The following SLC38A1 variants were observed in gnomAD, a reference collection of about 807,000 sequenced individuals.
The protein encoded by SLC38A1 is sodium-coupled neutral amino acid symporter 1.
In SLC38A1, 18 loss-of-function variants were observed where a neutral mutation model predicts 60.3. That is an observed-to-expected ratio of 0.30 (90% CI 0.21 to 0.44). The LOEUF (loss-of-function observed/expected upper bound fraction) is 0.44, where lower values mean the gene tolerates loss of function less well. SLC38A1 is among the 20% of genes least tolerant of loss of function. The pLI, the probability that SLC38A1 is intolerant of heterozygous loss-of-function variation, is 1.00. For missense variants in SLC38A1, 448 were observed against 587.2 expected, an observed-to-expected ratio of 0.76 and a Z score of 2.45; for synonymous variants, 196 against 212.1, an observed-to-expected ratio of 0.92 and a Z score of 0.66.
chr12:46,188,438 A>G lies in SLC38A1; in HGVS notation c.*532T>C, dbSNP rs1052783900. On this transcript the variant is annotated 3_prime_UTR_variant, in exon 17 of 17. Transcript: ENST00000398637. Reference sequence around the variant, plus strand: ...TCTGATTCAGCAGTGGCAGTGCCCTATAACTTTCAGATGATTATCTCCATG... The same window carrying G: ...TCTGATTCAGCAGTGGCAGTGCCCTGTAACTTTCAGATGATTATCTCCATG... 1.3e-5 allele frequency: 2 copies of G among 152,948 alleles called. No individual in the cohort carries two copies. Among genetic ancestry groups the G allele is most frequent in the Non-Finnish European group, 2.9e-5 (2 of 68,284 alleles). The allele number at this position is 152,948 out of a possible 1,614,324, so 9.5% of individuals were successfully genotyped here.
chr12:46,256,833 T>C (rs112304291), intron 1 of SLC38A1, among the ~76,000 whole-genome samples: 3 of 152,296 alleles, frequency 2.0e-5, no homozygotes, highest in African/African-American at 4.8e-5. Flanking sequence ...TGACAAAACA[T>C]AGACATTACC....
intron 1 of SLC38A1, among the ~76,000 whole-genome samples, chr12:46,263,027 C>G (rs1592162537): frequency 6.6e-6 from 1 of 152,262 alleles, no homozygotes; most frequent in Non-Finnish European, 1.5e-5. Flanking sequence ...GTAGACAAAT[C>G]TCTTGAATAG....
chr12:46,239,631 C>A lies in SLC38A1; in HGVS notation c.122+48G>T, dbSNP rs371653423. The A allele has an allele frequency of 6.9e-5, 111 of 1,606,386 alleles. No individual in the cohort carries two copies. The African/African-American group carries it at 1.4e-3, about 20-fold the overall frequency. On this transcript the variant is annotated intron_variant, in intron 3 of 16. Transcript: ENST00000398637. The stretch of plus-strand genomic sequence containing the variant: ...GTGATGGGATTACAGGTGTGAGCCA[C>A]GAGCCATTTCTTTCACTGGATAGAA...
chr12:46,268,674 G>A lies in SLC38A1; in HGVS notation c.-357C>T, dbSNP rs558699011. The stretch of plus-strand genomic sequence containing the variant: ...GGCCCCCGTCAGTAAGGGTTGGGCA[G>A]GGAGCTTGGCGTGGCCTGGCGGATT... On this transcript the variant is annotated 5_prime_UTR_variant, in exon 1 of 17. Transcript: ENST00000398637. This position sits in a 1 kb window ranked among gnomAD's most constrained non-coding sequence, Gnocchi z 4.4. 9.8e-5 allele frequency: 28 copies of A among 284,414 alleles called. No individual in the cohort carries two copies. Among genetic ancestry groups the A allele is most frequent in the African/African-American group, 6.0e-4 (27 of 45,104 alleles). 17.6% of individuals were successfully genotyped at this position (284,414 alleles called of 1,614,324 possible).
At chr12:46,221,365 T>A (rs1940651612) in intron 5 of SLC38A1, among the ~76,000 whole-genome samples, 1 of 152,170 alleles carries the variant, frequency 6.6e-6, no homozygotes, top group Non-Finnish European at 1.5e-5. Context: ...CCTCATCTAG[T>A]ATTTCTTAGC....
Position 46,183,294 on chromosome 12 carries a change from G to C in SLC38A1, c.*5676C>G, listed in dbSNP as rs1938829214. The stretch of plus-strand genomic sequence containing the variant: ...AAACAGTAGTGTGGTACATGTATTG[G>C]ACTCAGATGAAGTCTAAAGTACACT... On this transcript the variant is annotated 3_prime_UTR_variant, in exon 17 of 17. Transcript: ENST00000398637. 1 of 152,090 alleles carries C rather than the reference G, an allele frequency of 6.6e-6. No homozygotes were observed. Among genetic ancestry groups the C allele is most frequent in the South Asian group, 2.1e-4 (1 of 4,824 alleles). The allele number at this position is 152,090 out of a possible 1,614,324, so 9.4% of individuals were successfully genotyped here.
intron 16 of SLC38A1, chr12:46,195,966 C>A (rs916450051): frequency 4.0e-5 from 22 of 546,374 alleles, no homozygotes; most frequent in African/African-American, 3.9e-4. Context: ...CACCCACTGT[C>A]CAACCAGTCC....
At chr12:46,257,728 G>A (rs1223686006) in intron 1 of SLC38A1, among the ~76,000 whole-genome samples, 2 of 152,278 alleles carry the variant, frequency 1.3e-5, no homozygotes, top group Non-Finnish European at 1.5e-5. Context: ...TGGATCAGGG[G>A]TTTCCTCACA....
chr12:46,217,369 A>C (rs904682542), intron 5 of SLC38A1, among the ~76,000 whole-genome samples: 1 of 152,230 alleles, frequency 6.6e-6, no homozygotes, highest in Non-Finnish European at 1.5e-5. Flanking sequence ...AAAATCTTAG[A>C]ATGAAATACA....
Position 46,198,693 on chromosome 12 carries a change from G to T in SLC38A1, c.1054C>A (p.Leu352Ile). 1 of 1,613,622 alleles carries T rather than the reference G, an allele frequency of 6.2e-7. No homozygotes were observed. The change falls in exon 14 of 17, where the codon CTC becomes ATC. Residue 352 changes from leucine to isoleucine, a missense_variant. Coordinates refer to ENST00000398637, the MANE Select transcript of SLC38A1 (RefSeq NM_030674.4). ...ACAGCCAGCCGCACTGTCAGGATGA[G>T]AATGTCATCTTTACTCTGATATTTG... Reference protein sequence around the residue: ...LHKYQSKDDILILTVRLAVIV... With the variant: ...LHKYQSKDDIIILTVRLAVIV...
chr12:46,261,021 T>C (rs1942179847), intron 1 of SLC38A1, among the ~76,000 whole-genome samples: 1 of 152,212 alleles, frequency 6.6e-6, no homozygotes, highest in Non-Finnish European at 1.5e-5. Context: ...GCTCCCACTA[T>C]ATTCCTTCTA....
At chr12:46,207,264 A>G (rs1036795845) in intron 7 of SLC38A1, 28 bp from the exon 8 acceptor site, 4 of 1,572,516 alleles carry the variant, frequency 2.5e-6, no homozygotes, top group Non-Finnish European at 3.5e-6. Context: ...CATTTTTAGA[A>G]AGAAGATACG....
At chr12:46,240,850 T>A (rs1393735531) in intron 2 of SLC38A1, among the ~76,000 whole-genome samples, 2 of 152,174 alleles carry the variant, frequency 1.3e-5, no homozygotes, top group East Asian at 3.9e-4. Flanking sequence ...ATGAAAAACC[T>A]CCAGAGTTCA....
At chr12:46,255,401 A>G (rs532244661) in intron 1 of SLC38A1, among the ~76,000 whole-genome samples, 1 of 152,348 alleles carries the variant, frequency 6.6e-6, no homozygotes, top group South Asian at 2.1e-4. Flanking sequence ...GAAAAAATGA[A>G]TAATACCCCT....
Position 46,185,985 on chromosome 12 carries a change from T to C in SLC38A1, c.*2985A>G, listed in dbSNP as rs1213322384. The C allele has an allele frequency of 1.3e-5, 2 of 152,082 alleles. No individual in the cohort carries two copies. Among genetic ancestry groups the C allele is most frequent in the East Asian group, 3.9e-4 (2 of 5,178 alleles). 9.4% of individuals were successfully genotyped at this position (152,082 alleles called of 1,614,324 possible). A position where few individuals can be genotyped will look rare whatever the true frequency, so the allele number is the denominator to read the frequency against. ...GAACAAACACCCTCCCTGGAAACAA[T>C]ATTATATTTGATGGTTAGATTCTTT... On this transcript the variant is annotated 3_prime_UTR_variant, in exon 17 of 17. Coordinates refer to ENST00000398637, the MANE Select transcript of SLC38A1 (RefSeq NM_030674.4).
chr12:46,219,278 C>T (rs575875126), intron 5 of SLC38A1, among the ~76,000 whole-genome samples: 262 of 152,324 alleles, frequency 1.7e-3, no homozygotes, highest in Non-Finnish European at 2.9e-3. Context: ...ATTTCTTTCA[C>T]TGTCATAATT....
intron 5 of SLC38A1, among the ~76,000 whole-genome samples, chr12:46,217,794 T>C (rs1275995686): frequency 6.6e-6 from 1 of 152,106 alleles, no homozygotes; most frequent in African/African-American, 2.4e-5. Context: ...CAAATTAGAT[T>C]AGGGAATTAA....
rs1938928983 is a variant in SLC38A1, at chr12:46,186,126, C to T, written c.*2844G>A. 1 of 152,204 alleles carries T rather than the reference C, an allele frequency of 6.6e-6. No individual in the cohort carries two copies. The highest frequency in any genetic ancestry group is 1.5e-5 in the Non-Finnish European group (1 of 68,040). 9.4% of individuals were successfully genotyped at this position (152,204 alleles called of 1,614,324 possible). ...CTGGTCTCTAAAGGAAAATACATTC[C>T]AGGTTGCAAACAACCAACTGACAAC... On this transcript the variant is annotated 3_prime_UTR_variant, in exon 17 of 17. Coordinates refer to ENST00000398637, the MANE Select transcript of SLC38A1 (RefSeq NM_030674.4).
At chr12:46,195,711 T>C (rs953014327) in intron 16 of SLC38A1, 7 of 184,968 alleles carry the variant, frequency 3.8e-5, no homozygotes, top group African/African-American at 7.0e-5. Context: ...TCTTAGACTG[T>C]TGCGCTAGCA....
Sources: allele counts gnomAD v4.1 joint callset (sites outside exome capture counted in the v4.1 genomes callset), GRCh38; gene constraint gnomAD v4.1.1; non-coding constraint Gnocchi (gnomAD v3.1); transcripts MANE v1.5; gene names NCBI Gene and HGNC (gene_info 2026-07-23, HGNC 2026-07-21).